BMAL1: variants seen among roughly 807,000 people sequenced by gnomAD.
The protein encoded by BMAL1 is basic helix-loop-helix ARNT-like protein 1.
At chr11:13,342,196 G>A in the BMAL1 span, among the ~76,000 whole-genome samples, 3 of 152,190 alleles carry the variant, frequency 2.0e-5, no homozygotes, top group African/African-American at 7.2e-5. Flanking sequence ...CCTGGTTCTG[G>A]GACAGAATGC....
At chr11:13,295,884 C>T in the BMAL1 span, among the ~76,000 whole-genome samples, 6 of 152,198 alleles carry the variant, frequency 3.9e-5, no homozygotes, top group Admixed American at 2.0e-4. Flanking sequence ...ATTAACTCCT[C>T]CTTGCCTCCC....
At chr11:13,381,990 A>G in the BMAL1 span, among the ~76,000 whole-genome samples, 1 of 152,160 alleles carries the variant, frequency 6.6e-6, no homozygotes, top group African/African-American at 2.4e-5. Context: ...ACAGAGAGAG[A>G]GAATATCAGG....
the BMAL1 span, among the ~76,000 whole-genome samples, chr11:13,369,178 A>AATATCCATATCC: frequency 7.2e-5 from 11 of 152,166 alleles, no homozygotes; most frequent in Non-Finnish European, 1.5e-4. Context: ...TTGCCTTCCC[A>AATATCCATATCC]ATATCCATAT....
the BMAL1 span, chr11:13,375,621 C>A: frequency 6.4e-7 from 1 of 1,571,938 alleles, no homozygotes; most frequent in South Asian, 1.2e-5. Context: ...GTTTTACAGA[C>A]GAGAGAAAAA....
At chr11:13,376,397 C>A in the BMAL1 span, 1 of 536,846 alleles carries the variant, frequency 1.9e-6, no homozygotes, top group African/African-American at 1.9e-5. Flanking sequence ...TTACTGCAGC[C>A]ACCACCTCTG....
At chr11:13,362,895 G>C in the BMAL1 span, among the ~76,000 whole-genome samples, 4 of 151,862 alleles carry the variant, frequency 2.6e-5, no homozygotes, top group Non-Finnish European at 5.9e-5. Context: ...TTTGTACTGG[G>C]CCCCACAAAT....
the BMAL1 span, among the ~76,000 whole-genome samples, chr11:13,359,915 A>T: frequency 1.3e-5 from 2 of 152,196 alleles, no homozygotes; most frequent in African/African-American, 4.8e-5. Flanking sequence ...GGCCTGGAAG[A>T]CTGAATGGTT....
the BMAL1 span, chr11:13,378,418 T>C: frequency 1.2e-6 from 2 of 1,613,162 alleles, no homozygotes; most frequent in Non-Finnish European, 1.7e-6. Flanking sequence ...GGCCGAATGA[T>C]TGCTGAGGAA....
chr11:13,345,024 T>G, the BMAL1 span, among the ~76,000 whole-genome samples: 1 of 152,314 alleles, frequency 6.6e-6, no homozygotes, highest in East Asian at 1.9e-4. Context: ...AGTAGATCAG[T>G]AAGCACATGG....
the BMAL1 span, chr11:13,350,024 C>T: frequency 6.6e-6 from 1 of 152,186 alleles, no homozygotes; most frequent in Non-Finnish European, 1.5e-5. Context: ...CCAGAGGCCC[C>T]TAACTCCTCC....
At chr11:13,358,664 A>G in the BMAL1 span, 12 of 1,404,520 alleles carry the variant, frequency 8.5e-6, no homozygotes, top group Non-Finnish European at 1.1e-5. Flanking sequence ...GAATGTTCCT[A>G]TCCCTAAGGC....
chr11:13,370,166 C>G, the BMAL1 span, among the ~76,000 whole-genome samples: 1 of 152,124 alleles, frequency 6.6e-6, no homozygotes, highest in Admixed American at 6.5e-5. Flanking sequence ...TTCTCTTCTC[C>G]TGGATTCCAT....
At chr11:13,325,321 A>G in the BMAL1 span, among the ~76,000 whole-genome samples, 6 of 152,222 alleles carry the variant, frequency 3.9e-5, no homozygotes, top group African/African-American at 1.4e-4. Context: ...AGTCTTCTTC[A>G]TGCAGATGGA....
the BMAL1 span, among the ~76,000 whole-genome samples, chr11:13,374,555 GT>G: frequency 5.3e-5 from 8 of 152,156 alleles, no homozygotes; most frequent in African/African-American, 9.7e-5. Context: ...GTGGCTTCAT[GT>G]GCAGGCTCCT....
chr11:13,308,347 A>C, the BMAL1 span, among the ~76,000 whole-genome samples: 1 of 152,208 alleles, frequency 6.6e-6, no homozygotes, highest in African/African-American at 2.4e-5. Flanking sequence ...AGTTGGATGT[A>C]CTGGTCAGGA....
At chr11:13,294,619 C>G in the BMAL1 span, among the ~76,000 whole-genome samples, 2 of 152,194 alleles carry the variant, frequency 1.3e-5, no homozygotes, top group Non-Finnish European at 2.9e-5. Context: ...AATCAAGAAA[C>G]AAGCCAAGGG....
the BMAL1 span, among the ~76,000 whole-genome samples, chr11:13,278,695 G>A: frequency 6.6e-6 from 1 of 152,236 alleles, no homozygotes; most frequent in African/African-American, 2.4e-5. Context: ...GCGGGCAGGT[G>A]CGCGTCGGCC....
the BMAL1 span, among the ~76,000 whole-genome samples, chr11:13,284,248 ATATATATATATATATATAT>A: frequency 1.7e-4 from 4 of 23,720 alleles, no homozygotes; most frequent in African/African-American, 7.9e-4. Flanking sequence ...ATATATATAT[ATATATATATATATATATAT>A]TTTTTTTTTT....
At chr11:13,365,282 AACACACAC>A in the BMAL1 span, 309 of 182,822 alleles carry the variant, frequency 1.7e-3, no homozygotes, top group Non-Finnish European at 2.2e-3. Flanking sequence ...GATATGCAGA[AACACACAC>A]ACACACACAC....
Sources: gnomAD v4.1 joint callset for allele counts (sites outside exome capture counted in the v4.1 genomes callset) on GRCh38, gnomAD v4.1.1 for gene constraint, MANE v1.5 for transcripts, NCBI Gene and HGNC (gene_info 2026-07-23, HGNC 2026-07-21) for gene names.